Variants in VPS13B observed in about 807,000 individuals in gnomAD.
VPS13B encodes the protein vacuolar protein sorting 13 homolog B, also known as intermembrane lipid transfer protein VPS13B.
Under a neutral mutation model 426.4 loss-of-function variants are expected in VPS13B, and 285 were observed. The observed-to-expected ratio is 0.67, with a 90% CI of 0.61 to 0.74. VPS13B has a LOEUF of 0.74. Among genes scored for constraint, VPS13B ranks in the 30% least tolerant of loss-of-function variants. VPS13B has a pLI of 0.00. For synonymous variants in VPS13B, 1,676 were observed against 1,676.4 expected (o/e 1.00, Z 0.01); for missense variants, 4,537 against 4,782.6 (o/e 0.95, Z 1.51).
chr8:99,727,427 C>A lies in VPS13B; in HGVS notation c.7050+6380C>A, dbSNP rs148054458. 5.0e-4 allele frequency among the ~76,000 whole-genome samples: 76 copies of A among 152,248 alleles called. 3 individuals carry two copies. In the East Asian group the frequency reaches 0.015, roughly 29 times the overall value. ...TTTTCACACTGCTGATAAAGACATA[C>A]CCAAGACTGGCCAATTTACAAAAGA... On this transcript the variant is annotated intron_variant, in intron 39 of 61. Transcript: ENST00000357162.
chr8:99,587,411 A>G (rs1248228598), intron 33 of VPS13B, among the ~76,000 whole-genome samples: 1 of 151,606 alleles, frequency 6.6e-6, no homozygotes, highest in Non-Finnish European at 1.5e-5. Flanking sequence ...GTCTTCCACA[A>G]TGGTTCAACT....
intron 24 of VPS13B, among the ~76,000 whole-genome samples, chr8:99,480,292 A>C (rs1288820098): frequency 2.0e-5 from 3 of 152,208 alleles, no homozygotes; most frequent in Non-Finnish European, 2.9e-5. Context: ...CACTTTAAAC[A>C]CACAGTGTAC....
At chr8:99,184,611 A>G (rs1399202191) in intron 16 of VPS13B, among the ~76,000 whole-genome samples, 1 of 152,216 alleles carries the variant, frequency 6.6e-6, no homozygotes, top group Non-Finnish European at 1.5e-5. Flanking sequence ...AAATTTGAAA[A>G]ATGTTAACAT....
At chr8:99,772,357 A>T (rs1382517951) in intron 40 of VPS13B, among the ~76,000 whole-genome samples, 1 of 152,234 alleles carries the variant, frequency 6.6e-6, no homozygotes, top group African/African-American at 2.4e-5. Flanking sequence ...AATAAAATAG[A>T]AAATAGTTTG....
chr8:99,023,004 T>C (rs1157843637), intron 2 of VPS13B, among the ~76,000 whole-genome samples: 3 of 151,962 alleles, frequency 2.0e-5, no homozygotes, highest in Non-Finnish European at 4.4e-5. Flanking sequence ...TTTTTTTTTT[T>C]CTTTTGGACA....
chr8:99,706,276 G>T (rs1832493289), intron 36 of VPS13B, among the ~76,000 whole-genome samples: 1 of 152,158 alleles, frequency 6.6e-6, no homozygotes, highest in East Asian at 1.9e-4. Context: ...CAGGCTCCCA[G>T]CAGCCGGGGT....
chr8:99,794,210 G>A (rs1019104195), intron 43 of VPS13B, among the ~76,000 whole-genome samples: 1 of 152,290 alleles, frequency 6.6e-6, no homozygotes, highest in Non-Finnish European at 1.5e-5. Context: ...CAAATTCGAT[G>A]TAAGAGGCTG....
chr8:99,515,492 A>G (rs1822018636), intron 29 of VPS13B, among the ~76,000 whole-genome samples: 1 of 151,676 alleles, frequency 6.6e-6, no homozygotes, highest in Admixed American at 6.6e-5. Flanking sequence ...TTTAACATAT[A>G]ATTTCAGAAT....
chr8:99,120,239 A>G (rs7829939), intron 7 of VPS13B: 82,103 of 148,020 alleles, frequency 0.55, 24,112 homozygotes, highest in South Asian at 0.68. Context: ...TTTAGTAGGG[A>G]CAGGGTTTCA....
chr8:99,083,270 G>T (rs1299368893), intron 3 of VPS13B, among the ~76,000 whole-genome samples: 1 of 152,070 alleles, frequency 6.6e-6, no homozygotes, highest in Non-Finnish European at 1.5e-5. Flanking sequence ...TTTGTTATTG[G>T]TGTATAGGAA....
chr8:99,337,383 T>C (rs1810966021), intron 19 of VPS13B, among the ~76,000 whole-genome samples: 1 of 146,876 alleles, frequency 6.8e-6, no homozygotes, highest in South Asian at 2.3e-4. Context: ...GGAGGGGAGA[T>C]GGATAGCTTT....
chr8:99,189,308 G>C (rs1209457901), intron 16 of VPS13B, among the ~76,000 whole-genome samples: 1 of 152,174 alleles, frequency 6.6e-6, no homozygotes, highest in African/African-American at 2.4e-5. Flanking sequence ...ATGTATACTA[G>C]GCTGTTGTAA....
At chr8:99,729,042 A>G (rs1833481421) in intron 39 of VPS13B, among the ~76,000 whole-genome samples, 1 of 152,034 alleles carries the variant, frequency 6.6e-6, no homozygotes, top group African/African-American at 2.4e-5. Flanking sequence ...AGTCACATTT[A>G]CAAGTCCAGC....
At chr8:99,401,306 G>T (rs896820229) in intron 21 of VPS13B, among the ~76,000 whole-genome samples, 1 of 152,078 alleles carries the variant, frequency 6.6e-6, no homozygotes, top group Non-Finnish European at 1.5e-5. Context: ...ATATTTTTGA[G>T]TGTGTTTTAC....
intron 33 of VPS13B, among the ~76,000 whole-genome samples, chr8:99,622,533 TGCA>T (rs2133895155): frequency 6.6e-6 from 1 of 152,342 alleles, no homozygotes; most frequent in African/African-American, 2.4e-5. Context: ...ATATGAGATA[TGCA>T]ACACAATTTT....
intron 16 of VPS13B, among the ~76,000 whole-genome samples, chr8:99,187,999 C>T (rs572853242): frequency 6.0e-5 from 9 of 149,322 alleles, no homozygotes; most frequent in African/African-American, 2.2e-4. Context: ...GAGACAGAGA[C>T]AGAGACAGAC....
At chr8:99,514,200 A>G (rs1821939961) in intron 29 of VPS13B, among the ~76,000 whole-genome samples, 1 of 152,152 alleles carries the variant, frequency 6.6e-6, no homozygotes, top group South Asian at 2.1e-4. Context: ...ATTTATAGTG[A>G]TAAATGTTTC....
Position 99,876,905 on chromosome 8 carries a change from C to T in VPS13B, c.*1239C>T, listed in dbSNP as rs1817725052. 1.3e-5 allele frequency: 2 copies of T among 152,168 alleles called. No individual in the cohort carries two copies. Among genetic ancestry groups the T allele is most frequent in the Non-Finnish European group, 2.9e-5 (2 of 68,030 alleles). The allele number at this position is 152,168 out of a possible 1,614,324, so 9.4% of individuals were successfully genotyped here. Reference sequence around the variant, plus strand: ...TCATTCTGTCACCCAGGCTAGAGTACAGTGGGAACAGTCATGGCTCACTGC... The same window carrying T: ...TCATTCTGTCACCCAGGCTAGAGTATAGTGGGAACAGTCATGGCTCACTGC... On this transcript the variant is annotated 3_prime_UTR_variant, in exon 62 of 62. Coordinates refer to ENST00000357162, the MANE Select transcript of VPS13B (RefSeq NM_152564.5).
At chr8:99,791,883 G>T (rs1812555217) in intron 43 of VPS13B, among the ~76,000 whole-genome samples, 1 of 152,064 alleles carries the variant, frequency 6.6e-6, no homozygotes, top group African/African-American at 2.4e-5. Flanking sequence ...CACAGGGGTG[G>T]CCTATCATCT....
Sources: allele counts gnomAD v4.1 joint callset (sites outside exome capture counted in the v4.1 genomes callset), GRCh38; gene constraint gnomAD v4.1.1; transcripts MANE v1.5; gene names NCBI Gene and HGNC (gene_info 2026-07-23, HGNC 2026-07-21).